Variants in NSD1 observed in about 807,000 individuals in gnomAD.
The protein encoded by NSD1 is nuclear receptor binding SET domain protein 1, also known as histone-lysine N-methyltransferase, H3 lysine-36 specific.
Under a neutral mutation model 242.7 loss-of-function variants are expected in NSD1, and 26 were observed. The observed-to-expected ratio is 0.11, with a 90% confidence interval of 0.08 to 0.15. The LOEUF is 0.15. NSD1 is among the 10% of genes least tolerant of loss of function. NSD1 has a pLI of 1.00. For missense variants in NSD1, 2,495 were observed against 3,272.8 expected (o/e 0.76, Z 5.80); for synonymous variants, 1,106 against 1,178.1 (o/e 0.94, Z 1.25).
chr5:177,250,526 G>A (rs923507973), intron 11 of NSD1, among the ~76,000 whole-genome samples: 5 of 149,202 alleles, frequency 3.4e-5, no homozygotes, highest in African/African-American at 9.9e-5. Context: ...AATTCACGTT[G>A]TAATTAACGT....
chr5:177,185,799 A>ATT lies in NSD1; in HGVS notation c.928-6084_928-6083insTT, dbSNP rs1462607172. On this transcript the variant is annotated intron_variant, in intron 2 of 22. Coordinates refer to ENST00000439151, the MANE Select transcript of NSD1 (RefSeq NM_022455.5). ...TATTATATATGTATATTATATATAT[A>ATT]TATATATAAATTTATATATATAATA... Among the ~76,000 whole-genome samples, 199 of 88,430 alleles carry ATT rather than the reference A, an allele frequency of 2.3e-3. 1 individual carries two copies. Among genetic ancestry groups the ATT allele is most frequent in the South Asian group, 3.1e-3 (10 of 3,262 alleles). The allele number at this position is 88,430 out of a possible 152,430, so 58.0% of individuals were successfully genotyped here.
intron 2 of NSD1, among the ~76,000 whole-genome samples, chr5:177,173,309 A>T (rs1367190228): frequency 6.6e-6 from 1 of 150,698 alleles, no homozygotes; most frequent in Non-Finnish European, 1.5e-5. Context: ...AAAAAAAAAA[A>T]AAGAATTATA....
chr5:177,205,922 C>T (rs557064915), intron 4 of NSD1, among the ~76,000 whole-genome samples: 5 of 152,176 alleles, frequency 3.3e-5, no homozygotes, highest in East Asian at 3.9e-4. Flanking sequence ...CTCCCAGGCT[C>T]GAGCCATTCT....
At chr5:177,199,655 A>G (rs942410051) in intron 3 of NSD1, among the ~76,000 whole-genome samples, 1 of 147,034 alleles carries the variant, frequency 6.8e-6, no homozygotes, top group Non-Finnish European at 1.5e-5. Flanking sequence ...ACTAGAGTGC[A>G]GTGGCACGAT....
chr5:177,214,936 C>T lies in NSD1; in HGVS notation c.3796+2741C>T, dbSNP rs577377266. 6.6e-5 allele frequency among the ~76,000 whole-genome samples: 10 copies of T among 152,226 alleles called. No individual in the cohort carries two copies. The East Asian group carries it at 1.4e-3, about 21-fold the overall frequency. ...CAGAATGGTCTCGATCTCCTGACCT[C>T]GTGATCCACCCGCCTTGGCCTCCCA... On this transcript the variant is annotated intron_variant, in intron 5 of 22. Coordinates refer to ENST00000439151, the MANE Select transcript of NSD1 (RefSeq NM_022455.5).
chr5:177,234,133 T>C (rs1765265900), intron 5 of NSD1, among the ~76,000 whole-genome samples: 1 of 152,218 alleles, frequency 6.6e-6, no homozygotes, highest in Non-Finnish European at 1.5e-5. Context: ...GAGAAAAATG[T>C]GTAACATCCT....
chr5:177,183,452 G>C (rs1174447511), intron 2 of NSD1, among the ~76,000 whole-genome samples: 2 of 152,030 alleles, frequency 1.3e-5, no homozygotes, highest in Non-Finnish European at 2.9e-5. Context: ...TAGGAGTAGA[G>C]TTACTGCATC....
rs1051934645 is a variant in NSD1 at position 177,296,212 on chromosome 5, C to T, written c.*753C>T. 2 of 235,728 alleles carry T rather than the reference C, an allele frequency of 8.5e-6. No individual in the cohort carries two copies. The highest frequency in any genetic ancestry group is 1.7e-5 in the Non-Finnish European group (2 of 119,870). 14.6% of individuals were successfully genotyped at this position (235,728 alleles called of 1,614,324 possible). On this transcript the variant is annotated 3_prime_UTR_variant, in exon 23 of 23. Transcript: ENST00000439151. ...GCAAGGCTGTTGGCTGTGGGGTCGC[C>T]GCTGCTGCTTTTGTCTGGGCTGTGC...
At chr5:177,181,723 G>A (rs1760703858) in intron 2 of NSD1, among the ~76,000 whole-genome samples, 1 of 151,596 alleles carries the variant, frequency 6.6e-6, no homozygotes, top group Admixed American at 6.6e-5. Context: ...ACTGTGCTTG[G>A]CTGCATTGTG....
chr5:177,185,920 T>TTATA (rs370464580), intron 2 of NSD1, among the ~76,000 whole-genome samples: 3 of 86,712 alleles, frequency 3.5e-5, no homozygotes, highest in East Asian at 3.1e-4. Flanking sequence ...TTATATATAT[T>TTATA]TATATATATA....
chr5:177,185,533 G>A (rs1020337060), intron 2 of NSD1, among the ~76,000 whole-genome samples: 1 of 150,284 alleles, frequency 6.7e-6, no homozygotes. Flanking sequence ...AGGAGGCGGA[G>A]GTTGCATTGA....
At position 177,238,053 on chromosome 5, in the gene NSD1, A is replaced by G. The variant is rs760404908; in HGVS notation, c.3922-184A>G. Among the ~76,000 whole-genome samples, 2 of 152,098 alleles carry G rather than the reference A, an allele frequency of 1.3e-5. No individual in the cohort carries two copies. The highest frequency in any genetic ancestry group is 2.9e-5 in the Non-Finnish European group (2 of 68,018). ...ATTCTAGATACCTCATATACTTGAA[A>G]TCATACGATATTTGTTCTTTGTGTC... On this transcript the variant is annotated intron_variant, in intron 6 of 22. Transcript: ENST00000439151. This position sits in a 1 kb window ranked among gnomAD's most constrained non-coding sequence, Gnocchi z 4.6.
chr5:177,259,644 A>T (rs759740211), intron 13 of NSD1, among the ~76,000 whole-genome samples: 3 of 152,204 alleles, frequency 2.0e-5, no homozygotes, highest in Admixed American at 2.0e-4. Flanking sequence ...GAAAGGCTTT[A>T]AAAGAATCAC....
chr5:177,258,843 TTTTG>T (rs1021562729), intron 13 of NSD1, among the ~76,000 whole-genome samples: 7 of 150,286 alleles, frequency 4.7e-5, no homozygotes, highest in Non-Finnish European at 7.4e-5. Flanking sequence ...GCATGTGTTT[TTTTG>T]TTTGTTTTGT....
At chr5:177,187,899 A>G (rs934638457) in intron 2 of NSD1, among the ~76,000 whole-genome samples, 4 of 152,186 alleles carry the variant, frequency 2.6e-5, no homozygotes, top group Non-Finnish European at 5.9e-5. Flanking sequence ...GTGTGTGTGT[A>G]GAGTGGCAGT....
chr5:177,252,476 A>T (rs1047742137), intron 12 of NSD1, among the ~76,000 whole-genome samples: 1 of 151,214 alleles, frequency 6.6e-6, no homozygotes, highest in Non-Finnish European at 1.5e-5. Flanking sequence ...GTTAGAAAAT[A>T]GGAATAGTCA....
At position 177,294,585 on chromosome 5, in the gene NSD1, C is replaced by G. The variant is rs770695104; in HGVS notation, c.7217C>G (p.Pro2406Arg). 3 of 1,614,224 alleles carry G rather than the reference C, an allele frequency of 1.9e-6. No homozygotes were observed. In the Admixed American group the frequency reaches 5.0e-5, roughly 27 times the overall value. Residue 2406 changes from proline to arginine, a missense_variant, in exon 23 of 23, where the codon CCT becomes CGT. Physicochemically the swap from Pro to Arg is moderately radical, Grantham distance 103. This residue lies in a region of NSD1 where 475 missense variants were observed against 563.7 expected (regional missense o/e 0.84). Coordinates refer to ENST00000439151, the MANE Select transcript of NSD1 (RefSeq NM_022455.5). Reference protein sequence around the residue: ...SSPKPQTSDRPTDKPHASLSQ... With the variant: ...SSPKPQTSDRRTDKPHASLSQ... ...CCCAAACCCCAGACTTCAGACAGGC[C>G]TACTGACAAACCCCATGCCTCTTTG...
chr5:177,206,814 C>G (rs1018033324), intron 4 of NSD1, among the ~76,000 whole-genome samples: 7 of 151,340 alleles, frequency 4.6e-5, no homozygotes, highest in African/African-American at 1.7e-4. Context: ...TTGATTTACT[C>G]TGGTCACAGT....
chr5:177,284,871 C>T (rs1258421267), intron 20 of NSD1, among the ~76,000 whole-genome samples: 1 of 152,108 alleles, frequency 6.6e-6, no homozygotes, highest in African/African-American at 2.4e-5. Context: ...GAGGCTGAGG[C>T]CAGAAATCGC....
Sources: gnomAD v4.1 joint callset for allele counts (sites outside exome capture counted in the v4.1 genomes callset) on GRCh38, gnomAD v4.1.1 for gene constraint, gnomAD v4.1.1 regional missense constraint, Gnocchi (gnomAD v3.1) non-coding constraint, MANE v1.5 for transcripts, NCBI Gene and HGNC (gene_info 2026-07-23, HGNC 2026-07-21) for gene names.